The following NEDD4 variants were observed in gnomAD, a reference collection of about 807,000 sequenced individuals.
NEDD4 encodes the protein NEDD4 E3 ubiquitin protein ligase.
Under a neutral mutation model 144.9 loss-of-function variants are expected in NEDD4, and 99 were observed. That is an observed-to-expected ratio of 0.68 (90% CI 0.58 to 0.81). The LOEUF is 0.81. NEDD4 is among the 30% of genes least tolerant of loss of function. The pLI is 0.00. For missense variants in NEDD4, 985 were observed against 1,065.9 expected (o/e 0.92, Z 1.06); for synonymous variants, 318 against 350.6 (o/e 0.91, Z 1.04).
At chr15:55,939,260 A>G (rs1350702033) in intron 4 of NEDD4, among the ~76,000 whole-genome samples, 1 of 152,118 alleles carries the variant, frequency 6.6e-6, no homozygotes, top group African/African-American at 2.4e-5. Context: ...AGTTTCCCCC[A>G]TGCTGTTCTC....
chr15:55,834,569 C>T (rs753814269), intron 24 of NEDD4, among the ~76,000 whole-genome samples: 2 of 152,088 alleles, frequency 1.3e-5, no homozygotes, highest in South Asian at 2.1e-4. Flanking sequence ...GGTGGGCAGA[C>T]TGCTTGAGCC....
At position 55,852,407 on chromosome 15, in the gene NEDD4, G is replaced by A; in HGVS notation, c.1146+17C>T. 1 of 1,597,942 alleles carries A rather than the reference G, an allele frequency of 6.3e-7. No individual in the cohort carries two copies. Among genetic ancestry groups the A allele is most frequent in the Admixed American group, 1.7e-5 (1 of 58,726 alleles). On this transcript the variant is annotated intron_variant, in intron 13 of 28. Coordinates refer to ENST00000435532, the MANE Select transcript of NEDD4 (RefSeq NM_006154.4). ...TTTAAATCCTGTAAGAAAGCAAGTT[G>A]ATAGATTACAGGATACCTGTACAGT...
At chr15:55,924,520 T>G in intron 5 of NEDD4, 126 bp downstream of exon 5, 1 of 716,498 alleles carries the variant, frequency 1.4e-6, no homozygotes. Context: ...CTCACCATTT[T>G]GCCCAGAGTC....
chr15:55,859,637 A>C (rs2034326002), intron 11 of NEDD4, among the ~76,000 whole-genome samples: 1 of 152,232 alleles, frequency 6.6e-6, no homozygotes, highest in South Asian at 2.1e-4. Flanking sequence ...CGGAGTTTGC[A>C]GTAAGCCGAG....
chr15:55,968,504 T>C (rs1036620535), intron 1 of NEDD4, among the ~76,000 whole-genome samples: 1 of 152,036 alleles, frequency 6.6e-6, no homozygotes, highest in African/African-American at 2.4e-5. Flanking sequence ...TCTACAGAAG[T>C]ATCTAAAATA....
intron 5 of NEDD4, among the ~76,000 whole-genome samples, chr15:55,910,010 C>CATATCAG (rs58793673): frequency 6.6e-6 from 1 of 151,404 alleles, no homozygotes; most frequent in South Asian, 2.1e-4. Context: ...GCTGAATTTC[C>CATATCAG]TTTTCACTCA....
At chr15:55,906,723 T>C (rs1464744299) in intron 5 of NEDD4, among the ~76,000 whole-genome samples, 1 of 152,164 alleles carries the variant, frequency 6.6e-6, no homozygotes, top group African/African-American at 2.4e-5. Flanking sequence ...ATGGCACATG[T>C]ATACATATGT....
intron 4 of NEDD4, among the ~76,000 whole-genome samples, chr15:55,946,552 A>G (rs1410830915): frequency 6.6e-6 from 1 of 152,212 alleles, no homozygotes. Context: ...CCACACAATA[A>G]TAACGGGAGA....
intron 5 of NEDD4, among the ~76,000 whole-genome samples, chr15:55,897,528 G>C (rs150427254): frequency 6.6e-6 from 1 of 152,110 alleles, no homozygotes; most frequent in Non-Finnish European, 1.5e-5. Context: ...GTCCCACTTT[G>C]CCCATTTCAA....
intron 4 of NEDD4, among the ~76,000 whole-genome samples, chr15:55,938,266 G>A (rs2036929917): frequency 6.6e-6 from 1 of 152,338 alleles, no homozygotes; most frequent in East Asian, 1.9e-4. Context: ...AGCTGAGGCA[G>A]GAGAATCATT....
At chr15:55,898,906 G>T (rs1056925174) in intron 5 of NEDD4, among the ~76,000 whole-genome samples, 6 of 152,126 alleles carry the variant, frequency 3.9e-5, no homozygotes, top group African/African-American at 1.4e-4. Context: ...TCTCCTAAGT[G>T]CTGGGCTTAC....
chr15:55,849,516 A>C (rs2033892632), intron 14 of NEDD4, among the ~76,000 whole-genome samples: 1 of 151,914 alleles, frequency 6.6e-6, no homozygotes, highest in African/African-American at 2.4e-5. Context: ...CTGGCCCTGG[A>C]CCACATGATA....
chr15:55,970,355 G>A (rs75253477), intron 1 of NEDD4, among the ~76,000 whole-genome samples: 2,800 of 152,248 alleles, frequency 0.018, 95 homozygotes, highest in African/African-American at 0.065. Flanking sequence ...GCACTGAAAA[G>A]AAAGACCCAG....
chr15:55,842,930 A>C (rs2033579650), intron 18 of NEDD4, among the ~76,000 whole-genome samples: 1 of 152,122 alleles, frequency 6.6e-6, no homozygotes, highest in Non-Finnish European at 1.5e-5. Flanking sequence ...TCCCTACCCA[A>C]ATCTAATCTT....
At chr15:55,849,191 G>C (rs2033877478) in intron 14 of NEDD4, among the ~76,000 whole-genome samples, 1 of 152,236 alleles carries the variant, frequency 6.6e-6, no homozygotes, top group South Asian at 2.1e-4. Flanking sequence ...AAAAACTGGT[G>C]AAAGAGTAGG....
chr15:55,848,599 T>G, intron 15 of NEDD4, 24 bp from the exon 16 acceptor site: 1 of 1,601,482 alleles, frequency 6.2e-7, no homozygotes, highest in African/African-American at 1.3e-5. Flanking sequence ...TGTATTTCAA[T>G]TATTTTAGGA....
chr15:55,946,746 C>A lies in NEDD4; in HGVS notation c.237+4630G>T, dbSNP rs189282719. ...ACCACACTTATTCCAAAATTGACCACATAGTTGGAAGTAAAGCACTCCTCA... is the reference window on the plus strand; with the variant it reads ...ACCACACTTATTCCAAAATTGACCAAATAGTTGGAAGTAAAGCACTCCTCA... On this transcript the variant is annotated intron_variant, in intron 4 of 28. Transcript: ENST00000435532. Among the ~76,000 whole-genome samples, 1,299 of 152,220 alleles carry A rather than the reference C, an allele frequency of 8.5e-3. 21 individuals are homozygous for A. Among genetic ancestry groups the A allele is most frequent in the African/African-American group, 0.03 (1,252 of 41,544 alleles).
At chr15:55,848,746 C>T (rs1441536795) in intron 15 of NEDD4, 60 bp downstream of exon 15, 17 of 1,500,598 alleles carry the variant, frequency 1.1e-5, no homozygotes, top group African/African-American at 4.2e-5. Flanking sequence ...ATACTATACC[C>T]GAAAATGCAA....
At chr15:55,911,676 C>T (rs1004094347) in intron 5 of NEDD4, among the ~76,000 whole-genome samples, 11 of 151,848 alleles carry the variant, frequency 7.2e-5, no homozygotes, top group African/African-American at 2.4e-4. Context: ...ACTACAGGCG[C>T]GCGCCACCAT....
Sources: gnomAD v4.1 joint callset for allele counts (sites outside exome capture counted in the v4.1 genomes callset) on GRCh38, gnomAD v4.1.1 for gene constraint, MANE v1.5 for transcripts, NCBI Gene and HGNC (gene_info 2026-07-23, HGNC 2026-07-21) for gene names.